Variants in PCSK2 observed in about 807,000 individuals in gnomAD.
PCSK2 encodes the protein proprotein convertase subtilisin/kexin type 2.
In PCSK2, 14 loss-of-function variants were observed where a neutral mutation model predicts 69.7. The ratio of observed to expected loss-of-function variants is 0.20; its 90% CI spans 0.13 to 0.31. The LOEUF (loss-of-function observed/expected upper bound fraction) is 0.31. Among genes scored for constraint, PCSK2 ranks in the 10% least tolerant of loss-of-function variants. The pLI, the probability that PCSK2 is intolerant of heterozygous loss-of-function variation, is 1.00. For missense variants in PCSK2, 544 were observed against 842.5 expected (o/e 0.65, Z 4.39); for synonymous variants, 307 against 320.7 (o/e 0.96, Z 0.46).
At chr20:17,473,767 G>A (rs544694336) in intron 11 of PCSK2, among the ~76,000 whole-genome samples, 25 of 152,258 alleles carry the variant, frequency 1.6e-4, no homozygotes, top group African/African-American at 5.8e-4. Flanking sequence ...GGGGAGAATG[G>A]TGTTCTTTCT....
chr20:17,418,147 G>A (rs570957404), intron 6 of PCSK2, among the ~76,000 whole-genome samples: 6 of 152,180 alleles, frequency 3.9e-5, no homozygotes, highest in Non-Finnish European at 7.3e-5. Context: ...CTGTATTTAA[G>A]GCACTGTTCT....
intron 8 of PCSK2, among the ~76,000 whole-genome samples, chr20:17,441,981 C>G (rs2032607144): frequency 6.7e-6 from 1 of 150,136 alleles, no homozygotes; most frequent in South Asian, 2.1e-4. Flanking sequence ...AGGATGGGCC[C>G]CTAATCCAAT....
intron 2 of PCSK2, among the ~76,000 whole-genome samples, chr20:17,304,667 T>C (rs1409830247): frequency 6.6e-6 from 1 of 152,204 alleles, no homozygotes; most frequent in Admixed American, 6.5e-5. Flanking sequence ...GATGGGATAA[T>C]TGATTTTGAA....
chr20:17,361,744 T>C (rs957674833), intron 4 of PCSK2, among the ~76,000 whole-genome samples: 5 of 152,176 alleles, frequency 3.3e-5, no homozygotes, highest in Non-Finnish European at 5.9e-5. Flanking sequence ...TGCCTCAATG[T>C]TTTTTGATGT....
intron 2 of PCSK2, among the ~76,000 whole-genome samples, chr20:17,324,925 C>T (rs1020583205): frequency 1.4e-4 from 21 of 152,174 alleles, no homozygotes; most frequent in Non-Finnish European, 4.4e-5. Flanking sequence ...AAGTCCAGCC[C>T]TACCAGGCTT....
chr20:17,239,535 G>A (rs552758388), intron 1 of PCSK2, among the ~76,000 whole-genome samples: 2 of 152,216 alleles, frequency 1.3e-5, no homozygotes, highest in Admixed American at 6.5e-5. Context: ...CCCAGCAGCC[G>A]AAGCCAGAAA....
In PCSK2 at chr20:17,358,310, C is replaced by T; in HGVS notation, c.283-17C>T. 7.1e-7 allele frequency: 1 copy of T among 1,405,430 alleles called. No individual in the cohort carries two copies. Among genetic ancestry groups the T allele is most frequent in the Non-Finnish European group, 1.0e-6 (1 of 989,822 alleles). The allele number at this position is 1,405,430 out of a possible 1,614,324, so 87.1% of individuals were successfully genotyped here. On this transcript the variant is annotated splice_polypyrimidine_tract_variant and intron_variant, in intron 2 of 11. Coordinates refer to ENST00000262545, the MANE Select transcript of PCSK2 (RefSeq NM_002594.5). Reference sequence around the variant, plus strand: ...TTCAGATTATATTCAGGTAATATGTCAGCATTGTCATTCCAGGTAAAGATG... The same window carrying T: ...TTCAGATTATATTCAGGTAATATGTTAGCATTGTCATTCCAGGTAAAGATG...
At chr20:17,388,497 C>A (rs1466758941) in intron 5 of PCSK2, among the ~76,000 whole-genome samples, 1 of 152,134 alleles carries the variant, frequency 6.6e-6, no homozygotes, top group Non-Finnish European at 1.5e-5. Flanking sequence ...GTCTTTCTCT[C>A]TTCCTCTTAA....
intron 2 of PCSK2, among the ~76,000 whole-genome samples, chr20:17,333,582 T>C (rs887484187): frequency 2.0e-5 from 3 of 152,066 alleles, no homozygotes; most frequent in Non-Finnish European, 1.5e-5. Context: ...AATGTCCCCC[T>C]TCCTTCAGAA....
chr20:17,353,860 A>G (rs1600516007), intron 2 of PCSK2, among the ~76,000 whole-genome samples: 1 of 152,258 alleles, frequency 6.6e-6, no homozygotes, highest in East Asian at 1.9e-4. Context: ...ACTTGGATGC[A>G]GATGGAGTTC....
chr20:17,265,504 C>G (rs1320062166), intron 2 of PCSK2, among the ~76,000 whole-genome samples: 1 of 152,088 alleles, frequency 6.6e-6, no homozygotes, highest in Non-Finnish European at 1.5e-5. Flanking sequence ...TTATATTTTA[C>G]TTATTAAGAA....
intron 4 of PCSK2, among the ~76,000 whole-genome samples, chr20:17,368,799 G>A (rs1055659199): frequency 6.6e-6 from 1 of 152,132 alleles, no homozygotes; most frequent in Non-Finnish European, 1.5e-5. Context: ...TTACCTAATG[G>A]CTTTTCTTGC....
At chr20:17,283,388 G>T (rs1289495017) in intron 2 of PCSK2, among the ~76,000 whole-genome samples, 2 of 152,064 alleles carry the variant, frequency 1.3e-5, no homozygotes, top group Admixed American at 1.3e-4. Context: ...GTGATGTCTA[G>T]GATTTGCATG....
chr20:17,304,872 G>T (rs1159629545), intron 2 of PCSK2, among the ~76,000 whole-genome samples: 1 of 152,162 alleles, frequency 6.6e-6, no homozygotes, highest in Non-Finnish European at 1.5e-5. Flanking sequence ...CAAGAATATA[G>T]TTAAAAGCAA....
chr20:17,383,121 G>A (rs2031135798), intron 5 of PCSK2, among the ~76,000 whole-genome samples: 1 of 152,216 alleles, frequency 6.6e-6, no homozygotes, highest in Non-Finnish European at 1.5e-5. Context: ...AACCAAGTGA[G>A]TGGTCAGTAG....
At chr20:17,311,162 G>A (rs929858915) in intron 2 of PCSK2, among the ~76,000 whole-genome samples, 12 of 152,110 alleles carry the variant, frequency 7.9e-5, no homozygotes, top group African/African-American at 2.7e-4. Context: ...TTTCATGTCT[G>A]TGTATAAATT....
At chr20:17,478,201 CT>C (rs1301795900) in intron 11 of PCSK2, among the ~76,000 whole-genome samples, 5 of 152,194 alleles carry the variant, frequency 3.3e-5, no homozygotes, top group African/African-American at 1.2e-4. Flanking sequence ...ACCAGACTCA[CT>C]TTTTTCCTCC....
At chr20:17,237,321 C>T (rs1578403) in intron 1 of PCSK2, among the ~76,000 whole-genome samples, 62,466 of 152,040 alleles carry the variant, frequency 0.41, 14,131 homozygotes, top group East Asian at 0.56. Context: ...CTAAAAGTAA[C>T]ATGCACAAGG....
At chr20:17,422,684 CAACAACAG>C (rs1313254047) in intron 6 of PCSK2, among the ~76,000 whole-genome samples, 2 of 151,974 alleles carry the variant, frequency 1.3e-5, no homozygotes, top group Non-Finnish European at 2.9e-5. Context: ...TGAAGTTCAG[CAACAACAG>C]AACAACAGCA....
Sources: gnomAD v4.1 joint callset for allele counts (sites outside exome capture counted in the v4.1 genomes callset) on GRCh38, gnomAD v4.1.1 for gene constraint, MANE v1.5 for transcripts, NCBI Gene and HGNC (gene_info 2026-07-23, HGNC 2026-07-21) for gene names.